Variants in SCUBE1 observed in about 807,000 individuals in gnomAD.
SCUBE1 encodes the protein signal peptide, CUB domain and EGF like domain containing 1, also known as signal peptide, CUB and EGF-like domain-containing protein 1.
Under a neutral mutation model 124.4 loss-of-function variants are expected in SCUBE1, and 59 were observed. That is an observed-to-expected ratio of 0.47 (90% CI 0.38 to 0.59). The LOEUF is 0.59. Ranked by LOEUF, SCUBE1 falls within the 20% of genes least tolerant of loss-of-function variation. SCUBE1 has a pLI of 0.00. For synonymous variants in SCUBE1, 545 were observed against 550.9 expected, an observed-to-expected ratio of 0.99 and a Z score of 0.15; for missense variants, 1,150 against 1,371.2, an observed-to-expected ratio of 0.84 and a Z score of 2.55.
Position 43,303,089 on chromosome 22 carries a change from G to C in SCUBE1, c.350-11909C>G, listed in dbSNP as rs550415429. Among the ~76,000 whole-genome samples, 233 of 152,356 alleles carry C rather than the reference G, an allele frequency of 1.5e-3. 2 individuals carry two copies. Among genetic ancestry groups the C allele is most frequent in the Non-Finnish European group, 5.1e-4 (35 of 68,032 alleles). ...AGCCAAGTCAGCTGATTGATTCCCAGCATCCATTTCCCAGCCTCGGTACCG... is the reference window on the plus strand; with the variant it reads ...AGCCAAGTCAGCTGATTGATTCCCACCATCCATTTCCCAGCCTCGGTACCG... On this transcript the variant is annotated intron_variant, in intron 3 of 21. Coordinates refer to ENST00000360835, the MANE Select transcript of SCUBE1 (RefSeq NM_173050.5).
At chr22:43,337,769 G>A (rs536524982) in intron 2 of SCUBE1, among the ~76,000 whole-genome samples, 3 of 152,184 alleles carry the variant, frequency 2.0e-5, no homozygotes, top group South Asian at 2.1e-4. Context: ...TGGCTGCATC[G>A]CCCACAAAAC....
intron 6 of SCUBE1, 40 bp from the exon 7 acceptor site, chr22:43,238,994 C>T: frequency 6.6e-7 from 1 of 1,517,180 alleles, no homozygotes; most frequent in Non-Finnish European, 9.1e-7. Context: ...TTTCCTTGGA[C>T]AGAAGCCACT....
At chr22:43,332,926 TGGA>T (rs1926949400) in intron 2 of SCUBE1, among the ~76,000 whole-genome samples, 1 of 152,138 alleles carries the variant, frequency 6.6e-6, no homozygotes, top group Non-Finnish European at 1.5e-5. Flanking sequence ...GATGGCTTCC[TGGA>T]GGAGGTGACC....
At chr22:43,228,458 G>A (rs1385353324) in intron 9 of SCUBE1, among the ~76,000 whole-genome samples, 2 of 152,098 alleles carry the variant, frequency 1.3e-5, no homozygotes, top group Admixed American at 6.5e-5. Context: ...TCACACCCCT[G>A]CTTAAACCCT....
At chr22:43,286,672 T>C (rs1925158674) in intron 4 of SCUBE1, among the ~76,000 whole-genome samples, 1 of 152,184 alleles carries the variant, frequency 6.6e-6, no homozygotes, top group Non-Finnish European at 1.5e-5. Flanking sequence ...GTACAGGAAC[T>C]CTTAGGACCC....
At chr22:43,256,290 C>G (rs1462083772) in intron 6 of SCUBE1, among the ~76,000 whole-genome samples, 3 of 152,222 alleles carry the variant, frequency 2.0e-5, no homozygotes, top group Non-Finnish European at 4.4e-5. Flanking sequence ...ATTTTAGGAG[C>G]ATGCAGAGGA....
chr22:43,312,569 C>T (rs530029696), intron 3 of SCUBE1, among the ~76,000 whole-genome samples: 54 of 152,130 alleles, frequency 3.5e-4, no homozygotes, highest in Non-Finnish European at 6.6e-4. Flanking sequence ...GGTGCTGGAG[C>T]GGAGGGCTCC....
chr22:43,246,726 T>C (rs941233527), intron 6 of SCUBE1, among the ~76,000 whole-genome samples: 1 of 152,230 alleles, frequency 6.6e-6, no homozygotes, highest in Non-Finnish European at 1.5e-5. Context: ...GCTCCAGGTT[T>C]TCGTGGGCTG....
chr22:43,275,645 G>A (rs1924477373), intron 4 of SCUBE1, among the ~76,000 whole-genome samples: 1 of 152,244 alleles, frequency 6.6e-6, no homozygotes, highest in South Asian at 2.1e-4. Context: ...GGAGGTGAAA[G>A]TGCGCTGGGT....
intron 2 of SCUBE1, among the ~76,000 whole-genome samples, chr22:43,335,685 A>C (rs2146800693): frequency 6.6e-6 from 1 of 152,278 alleles, no homozygotes; most frequent in African/African-American, 2.4e-5. Context: ...AAAGGTCTTC[A>C]CCATTCATAG....
chr22:43,269,728 G>C (rs865919391), intron 4 of SCUBE1, among the ~76,000 whole-genome samples: 2 of 152,162 alleles, frequency 1.3e-5, no homozygotes, highest in Non-Finnish European at 2.9e-5. Context: ...GGGGTGGCAG[G>C]GGGAGGAGGC....
intron 3 of SCUBE1, among the ~76,000 whole-genome samples, chr22:43,314,212 C>A (rs149735617): frequency 6.6e-6 from 1 of 152,190 alleles, no homozygotes; most frequent in East Asian, 1.9e-4. Flanking sequence ...GTGCAGGAAG[C>A]TTTGTCAGGC....
At chr22:43,242,424 C>G (rs909255957) in intron 6 of SCUBE1, among the ~76,000 whole-genome samples, 2 of 152,228 alleles carry the variant, frequency 1.3e-5, no homozygotes, top group Admixed American at 1.3e-4. Flanking sequence ...TGGGGCCCCT[C>G]CAAATACAAG....
intron 5 of SCUBE1, among the ~76,000 whole-genome samples, chr22:43,261,940 A>T (rs1923887130): frequency 6.6e-6 from 1 of 152,108 alleles, no homozygotes; most frequent in South Asian, 2.1e-4. Context: ...CTGGCTCCCA[A>T]GCTTCTGAGT....
At chr22:43,339,780 C>T (rs1187551677) in intron 1 of SCUBE1, among the ~76,000 whole-genome samples, 34 of 89,886 alleles carry the variant, frequency 3.8e-4, no homozygotes, top group Non-Finnish European at 7.6e-4. Flanking sequence ...ATTCTATCCC[C>T]CCACAAGCAT....
intron 4 of SCUBE1, among the ~76,000 whole-genome samples, chr22:43,263,684 G>C (rs1032624797): frequency 4.6e-5 from 7 of 152,218 alleles, no homozygotes; most frequent in African/African-American, 1.2e-4. Flanking sequence ...CACCCTGCTA[G>C]TTGTAATAAA....
At chr22:43,226,673 A>C (rs1045775229) in intron 10 of SCUBE1, among the ~76,000 whole-genome samples, 2 of 151,954 alleles carry the variant, frequency 1.3e-5, no homozygotes, top group African/African-American at 4.8e-5. Flanking sequence ...GGATGTTCTA[A>C]CTTACATTTA....
chr22:43,256,204 G>C (rs1243660325), intron 6 of SCUBE1, among the ~76,000 whole-genome samples: 10 of 152,254 alleles, frequency 6.6e-5, no homozygotes, highest in Non-Finnish European at 8.8e-5. Context: ...GGGCAGCGCT[G>C]GTTGCCTGCT....
At chr22:43,327,953 G>C (rs146150171) in intron 2 of SCUBE1, among the ~76,000 whole-genome samples, 15 of 152,266 alleles carry the variant, frequency 9.9e-5, no homozygotes, top group Non-Finnish European at 2.2e-4. Flanking sequence ...AGTCAAACAA[G>C]CTAATGCTGT....
Sources: gnomAD v4.1 joint callset for allele counts (sites outside exome capture counted in the v4.1 genomes callset) on GRCh38, gnomAD v4.1.1 for gene constraint, MANE v1.5 for transcripts, NCBI Gene and HGNC (gene_info 2026-07-23, HGNC 2026-07-21) for gene names.